The following DISP1 variants were observed in gnomAD, a reference collection of about 807,000 sequenced individuals.
DISP1 encodes the protein protein dispatched homolog 1.
DISP1 carries 30 observed loss-of-function variants against 37.3 expected under a neutral mutation model. The ratio of observed to expected loss-of-function variants is 0.80; its 90% CI spans 0.60 to 1.09. The LOEUF (loss-of-function observed/expected upper bound fraction) is 1.09, where lower values mean the gene tolerates loss of function less well. DISP1 is among the 50% of genes least tolerant of loss of function. DISP1 has a pLI of 0.00. For synonymous variants in DISP1, 634 were observed against 690.2 expected (o/e 0.92, Z 1.28); for missense variants, 1,598 against 1,879.5 (o/e 0.85, Z 2.77).
intron 3 of DISP1, among the ~76,000 whole-genome samples, chr1:222,972,277 G>C (rs562020671): frequency 6.6e-6 from 1 of 152,002 alleles, no homozygotes; most frequent in African/African-American, 2.4e-5. Flanking sequence ...TGATAAGATT[G>C]TCAGAGGCTT....
intron 3 of DISP1, among the ~76,000 whole-genome samples, chr1:222,977,234 A>G (rs1677413401): frequency 6.6e-6 from 1 of 150,924 alleles, no homozygotes; most frequent in African/African-American, 2.4e-5. Flanking sequence ...GGGTTTCTCC[A>G]TGTTGGTCAG....
chr1:222,936,651 ATCTCTC>A (rs1558339263), intron 2 of DISP1, among the ~76,000 whole-genome samples: 8 of 111,064 alleles, frequency 7.2e-5, no homozygotes, highest in Admixed American at 1.2e-4. Flanking sequence ...AGATATATAT[ATCTCTC>A]ATATATATGA....
At chr1:222,942,015 T>G (rs1475218794) in intron 2 of DISP1, among the ~76,000 whole-genome samples, 1 of 151,326 alleles carries the variant, frequency 6.6e-6, no homozygotes, top group African/African-American at 2.4e-5. Context: ...GTTTTTTTGT[T>G]TGTTGATTGG....
intron 1 of DISP1, among the ~76,000 whole-genome samples, chr1:222,906,121 T>A (rs114147828): frequency 9.3e-4 from 141 of 152,336 alleles, no homozygotes; most frequent in South Asian, 3.5e-3. Context: ...TTACTTTTTT[T>A]TAAAAACCTG....
At chr1:222,847,741 G>A (rs1255107115) in intron 1 of DISP1, among the ~76,000 whole-genome samples, 1 of 152,090 alleles carries the variant, frequency 6.6e-6, no homozygotes, top group Non-Finnish European at 1.5e-5. Flanking sequence ...AACCCAGGGG[G>A]AAGGGAGAAG....
At chr1:222,903,119 C>T (rs1025835108) in intron 1 of DISP1, among the ~76,000 whole-genome samples, 28 of 151,552 alleles carry the variant, frequency 1.8e-4, no homozygotes, top group Non-Finnish European at 2.8e-4. Flanking sequence ...TACTATGCAG[C>T]GATAAAAAAT....
In DISP1 at chr1:223,003,753, C is replaced by T. The variant is rs773308344; in HGVS notation, c.2356C>T (p.Pro786Ser). Residue 786 changes from proline to serine, a missense_variant, in exon 9 of 9, where the codon CCC becomes TCC. Transcript: ENST00000675850. This position sits in a 1 kb window ranked among gnomAD's most constrained non-coding sequence, Gnocchi z 4.3. ...TCACCATGGCGAGGAGCTCCACATG[C>T]CCATCACAGTAATCTGGGGCGTGTC... ...RVHHGEELHM[P>S]ITVIWGVSPE... 12 of 1,614,150 alleles carry T rather than the reference C, an allele frequency of 7.4e-6. No homozygotes were observed. Among genetic ancestry groups the T allele is most frequent in the Non-Finnish European group, 9.3e-6 (11 of 1,180,040 alleles).
intron 4 of DISP1, among the ~76,000 whole-genome samples, chr1:222,989,688 T>A (rs1274524132): frequency 6.6e-6 from 1 of 152,202 alleles, no homozygotes; most frequent in African/African-American, 2.4e-5. Context: ...AGATAGTTAT[T>A]GATCAACTTC....
At position 222,992,070 on chromosome 1, in the gene DISP1, C is replaced by T; in HGVS notation, c.849C>T (p.Asp283=). ...ATGAAAGAGAGAAAAGAGAAGTTGA[C>T]TGGAACTTCCACAAGGACAGCTTTT... The part of the protein sequence containing the change: ...DHYEREKREV[D]WNFHKDSFFC... Residue 283 remains aspartate (D), a synonymous_variant, in exon 7 of 9, where the codon GAC becomes GAT. Coordinates refer to ENST00000675850, the MANE Select transcript of DISP1 (RefSeq NM_001377229.1). The T allele has an allele frequency of 6.2e-7, 1 of 1,613,984 alleles. No homozygotes were observed. Among genetic ancestry groups the T allele is most frequent in the Non-Finnish European group, 8.5e-7 (1 of 1,179,934 alleles).
intron 1 of DISP1, among the ~76,000 whole-genome samples, chr1:222,841,669 ACTTGT>A (rs1206667655): frequency 6.6e-6 from 1 of 152,160 alleles, no homozygotes; most frequent in East Asian, 1.9e-4. Flanking sequence ...TATTCACTGT[ACTTGT>A]CTTTTATCAT....
chr1:222,817,875 T>A (rs908287669), intron 1 of DISP1, among the ~76,000 whole-genome samples: 1 of 152,218 alleles, frequency 6.6e-6, no homozygotes, highest in Non-Finnish European at 1.5e-5. Flanking sequence ...TAGTTATGAC[T>A]GTGAACCTCT....
chr1:222,905,588 A>G (rs931776179), intron 1 of DISP1, among the ~76,000 whole-genome samples: 1 of 151,900 alleles, frequency 6.6e-6, no homozygotes, highest in Non-Finnish European at 1.5e-5. Flanking sequence ...TATAATTTAT[A>G]CTTTCATTGC....
rs866395768 is a variant in DISP1, at chr1:222,903,110, A to G, written c.-158-25320A>G. Among the ~76,000 whole-genome samples the G allele has an allele frequency of 1.3e-4, 20 of 152,048 alleles. No homozygotes were observed. The South Asian group carries it at 3.5e-3, about 27-fold the overall frequency. ...ATGTGGCACATATACACCATGGAAT[A>G]CTATGCAGCGATAAAAAATGATGAG... On this transcript the variant is annotated intron_variant, in intron 1 of 8. Transcript: ENST00000675850.
At chr1:222,850,599 C>G (rs1424998581) in intron 1 of DISP1, among the ~76,000 whole-genome samples, 1 of 152,068 alleles carries the variant, frequency 6.6e-6, no homozygotes, top group Admixed American at 6.6e-5. Context: ...TCCCACTCTC[C>G]CCCATCAAGT....
At chr1:222,904,545 G>A (rs924784966) in intron 1 of DISP1, among the ~76,000 whole-genome samples, 2 of 151,372 alleles carry the variant, frequency 1.3e-5, no homozygotes, top group African/African-American at 4.8e-5. Context: ...AGTTTATTCA[G>A]AGACTCTTTT....
chr1:222,881,930 C>T (rs1191375562), intron 1 of DISP1, among the ~76,000 whole-genome samples: 1 of 152,044 alleles, frequency 6.6e-6, no homozygotes, highest in Non-Finnish European at 1.5e-5. Flanking sequence ...TTGACATGTA[C>T]ACATAACTTA....
At chr1:222,977,935 T>C (rs1346683580) in intron 3 of DISP1, among the ~76,000 whole-genome samples, 1 of 152,236 alleles carries the variant, frequency 6.6e-6, no homozygotes, top group African/African-American at 2.4e-5. Flanking sequence ...CAGTCTATCA[T>C]TGATGGACAT....
intron 2 of DISP1, among the ~76,000 whole-genome samples, chr1:222,936,984 ATATATAATAT>A (rs1320920880): frequency 1.0e-5 from 1 of 99,348 alleles, no homozygotes. Context: ...ATTTTATAAT[ATATATAATAT>A]TATATAATAT....
intron 1 of DISP1, among the ~76,000 whole-genome samples, chr1:222,856,233 C>T (rs1005461340): frequency 6.6e-6 from 1 of 152,218 alleles, no homozygotes; most frequent in African/African-American, 2.4e-5. Flanking sequence ...TCAAAATTCT[C>T]AGCAAATAGC....
Sources: gnomAD v4.1 joint callset for allele counts (sites outside exome capture counted in the v4.1 genomes callset) on GRCh38, gnomAD v4.1.1 for gene constraint, Gnocchi (gnomAD v3.1) non-coding constraint, MANE v1.5 for transcripts, NCBI Gene and HGNC (gene_info 2026-07-23, HGNC 2026-07-21) for gene names.